Variants in AIM2 observed in about 807,000 individuals in gnomAD.
AIM2 encodes absent in melanoma 2, also known as interferon-inducible protein AIM2.
AIM2 carries 30 observed loss-of-function variants against 27.7 expected under a neutral mutation model. The observed-to-expected ratio is 1.08, with a 90% CI of 0.81 to 1.47. The LOEUF (loss-of-function observed/expected upper bound fraction) is 1.47. AIM2 is among the 40% of genes most tolerant of loss of function. The probability of loss-of-function intolerance (pLI) is 0.00; values close to 1 mark genes in which losing one functional copy is unlikely to be tolerated. For synonymous variants in AIM2, 141 were observed against 145.3 expected, an observed-to-expected ratio of 0.97 and a Z score of 0.21; for missense variants, 358 against 411.3, an observed-to-expected ratio of 0.87 and a Z score of 1.12.
intron 1 of AIM2, among the ~76,000 whole-genome samples, chr1:159,086,276 A>T (rs1656909677): frequency 6.6e-6 from 1 of 152,218 alleles, no homozygotes; most frequent in South Asian, 2.1e-4. Context: ...AAGCCAGAGA[A>T]CAGATCCTAA....
intron 1 of AIM2, among the ~76,000 whole-genome samples, chr1:159,088,883 G>A (rs970843870): frequency 6.6e-6 from 1 of 152,142 alleles, no homozygotes; most frequent in Non-Finnish European, 1.5e-5. Flanking sequence ...CTCGAGAACT[G>A]TAAAAAATAC....
chr1:159,085,330 A>T (rs1169515778), intron 1 of AIM2, among the ~76,000 whole-genome samples: 1 of 152,206 alleles, frequency 6.6e-6, no homozygotes, highest in Non-Finnish European at 1.5e-5. Flanking sequence ...AGGTTCTGGG[A>T]AGGTACAAAT....
chr1:159,108,391 C>T (rs1657497493), intron 1 of AIM2, among the ~76,000 whole-genome samples: 1 of 152,070 alleles, frequency 6.6e-6, no homozygotes, highest in Admixed American at 6.5e-5. Flanking sequence ...ATGGACATAC[C>T]TCAATATAAC....
intron 1 of AIM2, among the ~76,000 whole-genome samples, chr1:159,117,224 CGAGA>C (rs1341755316): frequency 1.3e-5 from 2 of 151,662 alleles, no homozygotes; most frequent in African/African-American, 4.9e-5. Flanking sequence ...TGTGTGCGCA[CGAGA>C]GAGAAAGACA....
chr1:159,065,821 C>T, intron 4 of AIM2, 89 bp downstream of exon 4: 1 of 1,362,304 alleles, frequency 7.3e-7, no homozygotes, highest in Non-Finnish European at 9.9e-7. Flanking sequence ...TATAGAAAGA[C>T]ATTAAAACCA....
chr1:159,062,692 C>G lies in AIM2; in HGVS notation c.1032G>C (p.Ter344TyrextTer16), dbSNP rs1655879653. Residue 344 changes from the stop codon to tyrosine, a stop_lost, in exon 6 of 6, where the codon TAG (stop) becomes TAC (tyrosine). Transcript: ENST00000368130. ...GCTTGAATTGGTCCTTTTTACTTCT[C>G]TATGTTTTTTTTTTGGCCTTAATAA... is the stretch of plus-strand genomic sequence containing the variant. ...IKVIKAKKKT* is the reference protein window; with the variant it reads ...IKVIKAKKKTY The G allele has an allele frequency of 6.2e-7, 1 of 1,613,120 alleles. No homozygotes were observed. The highest frequency in any genetic ancestry group is 1.1e-5 in the South Asian group (1 of 90,908).
chr1:159,098,922 A>G lies in AIM2; in HGVS notation c.-15-32593T>C, dbSNP rs547780144. ...GAAAAAAACAGGATAACAAAAAGAG[A>G]CTACTTCAATCCACTGAAAAGGTAG... is the stretch of plus-strand genomic sequence containing the variant. On this transcript the variant is annotated intron_variant, in intron 1 of 2. Transcript: ENST00000368129. 2.2e-4 allele frequency among the ~76,000 whole-genome samples: 33 copies of G among 152,242 alleles called. No homozygotes were observed. In the South Asian group the frequency reaches 6.4e-3, roughly 30 times the overall value.
In AIM2 at chr1:159,063,470, T is replaced by C; in HGVS notation, c.1005+16A>G. On this transcript the variant is annotated intron_variant, in intron 5 of 5. Coordinates refer to ENST00000368130, the MANE Select transcript of AIM2 (RefSeq NM_004833.3). Reference sequence around the variant, plus strand: ...CACCCCCTTGGAGAGTTGACTTTGTTCCATGCAGTTCCCACCTTTATGGTG... The same window carrying C: ...CACCCCCTTGGAGAGTTGACTTTGTCCCATGCAGTTCCCACCTTTATGGTG... 6.3e-7 allele frequency: 1 copy of C among 1,598,720 alleles called. No individual in the cohort carries two copies. Among genetic ancestry groups the C allele is most frequent in the South Asian group, 1.1e-5 (1 of 87,888 alleles).
rs1647811141 is a variant in AIM2, at chr1:159,129,481, T to C, written c.-16+10950A>G. 2.0e-5 allele frequency among the ~76,000 whole-genome samples: 3 copies of C among 152,188 alleles called. No individual in the cohort carries two copies. In the South Asian group the frequency reaches 6.2e-4, roughly 32 times the overall value. On this transcript the variant is annotated intron_variant, in intron 1 of 2. Coordinates refer to the AIM2 transcript ENST00000368129. ...GGTTGTGAACCCAACAATAGGACAC[T>C]GTGGTTAATGGTGCAAGTCTCAAGC...
At chr1:159,129,470 C>T (rs1647810931) in intron 1 of AIM2, among the ~76,000 whole-genome samples, 1 of 152,156 alleles carries the variant, frequency 6.6e-6, no homozygotes, top group Non-Finnish European at 1.5e-5. Flanking sequence ...GTGAACCCAA[C>T]AATAGGACAC....
rs910065835 is a variant in AIM2, at chr1:159,062,528, G to A, written c.*164C>T. 6 of 635,950 alleles carry A rather than the reference G, an allele frequency of 9.4e-6. No individual in the cohort carries two copies. The highest frequency in any genetic ancestry group is 1.7e-5 in the Non-Finnish European group (6 of 359,544). 39.4% of individuals were successfully genotyped at this position (635,950 alleles called of 1,614,324 possible). On this transcript the variant is annotated 3_prime_UTR_variant, in exon 6 of 6. Coordinates refer to ENST00000368130, the MANE Select transcript of AIM2 (RefSeq NM_004833.3). Reference sequence around the variant, plus strand: ...TATTGTGATCATCTGTTGATATTCTGAATTTGTTTATCCAGCAATTATTCT... The same window carrying A: ...TATTGTGATCATCTGTTGATATTCTAAATTTGTTTATCCAGCAATTATTCT...
At position 159,063,576 on chromosome 1, in the gene AIM2, C is replaced by T. The variant is rs754660448; in HGVS notation, c.915G>A (p.Lys305=). 6.2e-7 allele frequency: 1 copy of T among 1,614,168 alleles called. No homozygotes were observed. The highest frequency in any genetic ancestry group is 8.5e-7 in the Non-Finnish European group (1 of 1,180,020). Residue 305 remains lysine, a synonymous_variant, in exon 5 of 6, where the codon AAG becomes AAA. Transcript: ENST00000368130. ...GVRNEDTMKC[K]EGDKVRLTFF... ...ATGTAAGTCGAACCTTATCTCCTTC[C>T]TTACATTTCATTGTGTCCTCGTTTC...
downstream of AIM2, among the ~76,000 whole-genome samples, chr1:159,061,897 C>T (rs571286430): frequency 6.6e-6 from 1 of 152,202 alleles, no homozygotes; most frequent in South Asian, 2.1e-4. Flanking sequence ...TCTTTGCCTA[C>T]ACCAAGATCA....
At chr1:159,137,003 A>G (rs1299306986) in intron 1 of AIM2, among the ~76,000 whole-genome samples, 1 of 152,234 alleles carries the variant, frequency 6.6e-6, no homozygotes, top group South Asian at 2.1e-4. Context: ...ACCTGCCTAC[A>G]TATCTGACTC....
chr1:159,138,920 C>A (rs554127936), intron 1 of AIM2, among the ~76,000 whole-genome samples: 2 of 152,276 alleles, frequency 1.3e-5, no homozygotes, highest in South Asian at 2.1e-4. Flanking sequence ...AAAAAACACA[C>A]CCATTTCTAT....
At chr1:159,143,321 G>A (rs779184390), upstream of AIM2, among the ~76,000 whole-genome samples, 1 of 152,054 alleles carries the variant, frequency 6.6e-6, no homozygotes, top group Non-Finnish European at 1.5e-5. Flanking sequence ...TTCCATCTAC[G>A]ACCTAGAGAT....
chr1:159,113,500 G>A (rs1462116016), intron 1 of AIM2, among the ~76,000 whole-genome samples: 5 of 152,110 alleles, frequency 3.3e-5, no homozygotes, highest in African/African-American at 1.2e-4. Flanking sequence ...CTTTTGTTTA[G>A]GTCTCAGTTG....
intron 1 of AIM2, among the ~76,000 whole-genome samples, chr1:159,103,900 T>C (rs1377356951): frequency 3.3e-5 from 5 of 152,066 alleles, no homozygotes; most frequent in Admixed American, 6.6e-5. Flanking sequence ...TAAAAAGTAA[T>C]TGCAGGAGCT....
chr1:159,057,811 G>T (rs959013002), downstream of AIM2, among the ~76,000 whole-genome samples: 1 of 152,154 alleles, frequency 6.6e-6, no homozygotes, highest in Admixed American at 6.5e-5. Context: ...TGATAGGACT[G>T]AGTTGTTTGC....
Sources: allele counts gnomAD v4.1 joint callset (sites outside exome capture counted in the v4.1 genomes callset), GRCh38; gene constraint gnomAD v4.1.1; transcripts MANE v1.5; gene names NCBI Gene and HGNC (gene_info 2026-07-23, HGNC 2026-07-21).